The following RNF32 variants were observed in gnomAD, a reference collection of about 807,000 sequenced individuals.
RNF32 encodes ring finger protein 32.
RNF32 carries 36 observed loss-of-function variants against 41.0 expected under a neutral mutation model. The ratio of observed to expected loss-of-function variants is 0.88; its 90% CI spans 0.67 to 1.16. The LOEUF (loss-of-function observed/expected upper bound fraction) is 1.16. Ranked by LOEUF, RNF32 falls within the 50% of genes most tolerant of loss-of-function variation. The pLI, the probability that RNF32 is intolerant of heterozygous loss-of-function variation, is 0.00. For synonymous variants in RNF32, 154 were observed against 160.9 expected, an observed-to-expected ratio of 0.96 and a Z score of 0.32; for missense variants, 413 against 436.7, an observed-to-expected ratio of 0.95 and a Z score of 0.48.
intron 3 of RNF32, among the ~76,000 whole-genome samples, chr7:156,652,546 G>A (rs1424445707): frequency 6.6e-6 from 1 of 152,088 alleles, no homozygotes; most frequent in African/African-American, 2.4e-5. Flanking sequence ...ACATAGCAAT[G>A]TTTCAATCAA....
intron 3 of RNF32, among the ~76,000 whole-genome samples, chr7:156,653,005 T>C (rs1432188326): frequency 6.6e-6 from 1 of 152,170 alleles, no homozygotes; most frequent in Non-Finnish European, 1.5e-5. Context: ...AAATATATTT[T>C]TATAAATTTA....
chr7:156,666,219 TGAG>T (rs1297065297), intron 7 of RNF32, among the ~76,000 whole-genome samples: 2 of 152,258 alleles, frequency 1.3e-5, no homozygotes, highest in Non-Finnish European at 2.9e-5. Context: ...ATACTCAGGA[TGAG>T]ATTAGCCCAA....
In RNF32 at chr7:156,646,339, T is replaced by A. The variant is rs959358956; in HGVS notation, c.274+1582T>A. 17 of 1,075,230 alleles carry A rather than the reference T, an allele frequency of 1.6e-5. No homozygotes were observed. In the African/African-American group the frequency reaches 2.3e-4, roughly 14 times the overall value. 66.6% of individuals were successfully genotyped at this position (1,075,230 alleles called of 1,614,324 possible). On this transcript the variant is annotated intron_variant, in intron 3 of 8. Transcript: ENST00000317955. The stretch of plus-strand genomic sequence containing the variant: ...AGAAGAATCCTAACTTACCTTTCCC[T>A]GGTGGTTCCTGGCATTGCTTAGCTT...
intron 7 of RNF32, among the ~76,000 whole-genome samples, chr7:156,663,009 G>A (rs760547499): frequency 1.1e-4 from 17 of 151,882 alleles, no homozygotes; most frequent in Non-Finnish European, 1.3e-4. Context: ...CACCATGCCC[G>A]GCTAATTGTA....
intron 3 of RNF32, among the ~76,000 whole-genome samples, chr7:156,647,574 C>T (rs1798134898): frequency 6.6e-6 from 1 of 152,146 alleles, no homozygotes; most frequent in Admixed American, 6.5e-5. Context: ...TCTTTATCCA[C>T]TCATTGGTTC....
chr7:156,650,545 G>T (rs190400280), intron 3 of RNF32, among the ~76,000 whole-genome samples: 228 of 152,324 alleles, frequency 1.5e-3, no homozygotes, highest in African/African-American at 5.1e-3. Context: ...GCTGAAATCT[G>T]TCAATACAAT....
chr7:156,652,664 G>A (rs1043048268), intron 3 of RNF32, among the ~76,000 whole-genome samples: 1 of 151,850 alleles, frequency 6.6e-6, no homozygotes, highest in African/African-American at 2.4e-5. Context: ...TAATATGTGT[G>A]TTTGTGTCTT....
chr7:156,666,705 G>T (rs2131585058), intron 7 of RNF32, among the ~76,000 whole-genome samples: 2 of 152,278 alleles, frequency 1.3e-5, no homozygotes, highest in Non-Finnish European at 2.9e-5. Flanking sequence ...GATCAAAGAG[G>T]CCTGGAAAGG....
intron 4 of RNF32, among the ~76,000 whole-genome samples, chr7:156,657,234 C>A (rs1284872381): frequency 6.6e-6 from 1 of 152,162 alleles, no homozygotes; most frequent in Non-Finnish European, 1.5e-5. Flanking sequence ...AGTTTGCAGT[C>A]ACTGCCCGCA....
intron 3 of RNF32, among the ~76,000 whole-genome samples, chr7:156,645,394 A>G (rs562654628): frequency 1.0e-3 from 156 of 152,368 alleles, no homozygotes; most frequent in African/African-American, 3.7e-3. Context: ...ACCAAAATGT[A>G]TATCTGAATT....
chr7:156,644,773 C>A lies in RNF32; in HGVS notation c.274+16C>A. The stretch of plus-strand genomic sequence containing the variant: ...TTGACTTTGGGTAAGCTGACGTAGT[C>A]ATTCATCTTTTGGCTTATTAGGGCT... On this transcript the variant is annotated intron_variant, in intron 3 of 8. Coordinates refer to ENST00000317955, the MANE Select transcript of RNF32 (RefSeq NM_030936.4). 1 of 1,590,086 alleles carries A rather than the reference C, an allele frequency of 6.3e-7. No individual in the cohort carries two copies. Among genetic ancestry groups the A allele is most frequent in the Non-Finnish European group, 8.5e-7 (1 of 1,174,922 alleles).
chr7:156,647,508 T>A (rs1798127157), intron 3 of RNF32, among the ~76,000 whole-genome samples: 1 of 152,178 alleles, frequency 6.6e-6, no homozygotes, highest in South Asian at 2.1e-4. Context: ...CAAAGGACAT[T>A]TTTTCATTCT....
chr7:156,662,917 G>A (rs1002468423), intron 7 of RNF32, among the ~76,000 whole-genome samples: 5 of 148,346 alleles, frequency 3.4e-5, no homozygotes, highest in Admixed American at 2.0e-4. Flanking sequence ...GCGCGATCTC[G>A]GCACACTGCA....
intron 5 of RNF32, 113 bp downstream of exon 5, chr7:156,657,686 C>T (rs959012897): frequency 4.4e-5 from 42 of 952,588 alleles, no homozygotes; most frequent in Non-Finnish European, 6.9e-5. Context: ...TATTCATCAC[C>T]ACCATCTATA....
chr7:156,662,543 C>T (rs2131550125), intron 7 of RNF32, among the ~76,000 whole-genome samples: 1 of 152,160 alleles, frequency 6.6e-6, no homozygotes, highest in South Asian at 2.1e-4. Context: ...TGCGTGTGTA[C>T]ACAGGCACAG....
chr7:156,661,348 C>T (rs1194805672), intron 7 of RNF32, among the ~76,000 whole-genome samples: 1 of 148,220 alleles, frequency 6.7e-6, no homozygotes, highest in Admixed American at 6.7e-5. Context: ...GAGACGGAGT[C>T]TCGCTCAGCT....
chr7:156,656,887 G>C (rs1447967488), intron 4 of RNF32, among the ~76,000 whole-genome samples: 1 of 152,248 alleles, frequency 6.6e-6, no homozygotes, highest in Non-Finnish European at 1.5e-5. Context: ...GGCGCTGGTG[G>C]GCTGGCGGCT....
intron 1 of RNF32, among the ~76,000 whole-genome samples, chr7:156,642,104 T>C (rs1797422869): frequency 6.6e-6 from 1 of 152,208 alleles, no homozygotes; most frequent in African/African-American, 2.4e-5. Context: ...TTTGGATTAA[T>C]TTCTTTCTAT....
At chr7:156,649,131 T>C (rs1000924231) in intron 3 of RNF32, among the ~76,000 whole-genome samples, 7 of 152,114 alleles carry the variant, frequency 4.6e-5, no homozygotes, top group African/African-American at 2.4e-5. Flanking sequence ...TATGTCTTAA[T>C]AGCTGCTAGG....
Sources: gnomAD v4.1 joint callset for allele counts (sites outside exome capture counted in the v4.1 genomes callset) on GRCh38, gnomAD v4.1.1 for gene constraint, MANE v1.5 for transcripts, NCBI Gene and HGNC (gene_info 2026-07-23, HGNC 2026-07-21) for gene names.